Variants in RANBP3 observed in about 807,000 individuals in gnomAD.
The protein encoded by RANBP3 is RAN binding protein 3, also known as ran-binding protein 3.
A neutral mutation model predicts 77.3 loss-of-function variants in RANBP3; 14 were observed. That is an observed-to-expected ratio of 0.18 (90% confidence interval 0.12 to 0.28). The LOEUF is 0.28. RANBP3 is among the 10% of genes least tolerant of loss of function. The probability of loss-of-function intolerance (pLI) is 1.00; values close to 1 mark genes in which losing one functional copy is unlikely to be tolerated. For synonymous variants in RANBP3, 315 were observed against 312.4 expected (o/e 1.01, Z -0.09); for missense variants, 586 against 752.3 (o/e 0.78, Z 2.59).
At chr19:5,944,539 G>T (rs1224878190) in intron 3 of RANBP3, among the ~76,000 whole-genome samples, 2 of 152,236 alleles carry the variant, frequency 1.3e-5, no homozygotes, top group Non-Finnish European at 2.9e-5. Flanking sequence ...TACTGCCCTC[G>T]ACGGGCCCTT....
In RANBP3 at chr19:5,958,060, T is replaced by C. The variant is rs1568473886; in HGVS notation, c.23-87A>G. 2.5e-6 allele frequency: 3 copies of C among 1,202,708 alleles called. No homozygotes were observed. The highest frequency in any genetic ancestry group is 2.5e-5 in the South Asian group (2 of 78,634). 74.5% of individuals were successfully genotyped at this position (1,202,708 alleles called of 1,614,324 possible). On this transcript the variant is annotated intron_variant, in intron 1 of 16. Coordinates refer to ENST00000340578, the MANE Select transcript of RANBP3 (RefSeq NM_007322.3). The surrounding 1 kb of genome is among the most constrained non-coding windows in gnomAD (Gnocchi z 4.4). ...ACACTTGTTTGTAATATGTTAAACA[T>C]ATATATAAATGAAACTAGTAACTCC...
intron 10 of RANBP3, chr19:5,925,204 A>T: frequency 2.0e-6 from 1 of 498,608 alleles, no homozygotes; most frequent in Non-Finnish European, 3.7e-6. Context: ...CTGGAGGGGC[A>T]GCTGGTCCGT....
At chr19:5,932,703 C>T (rs1199044119) in intron 6 of RANBP3, 159 bp from the exon 7 acceptor site, 2 of 596,992 alleles carry the variant, frequency 3.4e-6, no homozygotes, top group African/African-American at 1.9e-5. Flanking sequence ...TAACAGCTGG[C>T]CAGGAGATCT....
intron 7 of RANBP3, 65 bp downstream of exon 7, chr19:5,932,387 G>T: frequency 7.7e-7 from 1 of 1,303,782 alleles, no homozygotes; most frequent in Non-Finnish European, 1.1e-6. Context: ...TGCTGTCCCG[G>T]GTGCGACTTC....
chr19:5,917,107 G>T lies in RANBP3; in HGVS notation c.*503C>A. ...TAACAGCACGTCCAATGGGCCCAGT[G>T]TCTACACTCGTACGAGCAGCCCCCC... is the stretch of plus-strand genomic sequence containing the variant. On this transcript the variant is annotated 3_prime_UTR_variant, in exon 17 of 17. Transcript: ENST00000340578. 5.5e-6 allele frequency: 1 copy of T among 181,666 alleles called. No individual in the cohort carries two copies. 11.3% of individuals were successfully genotyped at this position (181,666 alleles called of 1,614,324 possible).
intron 8 of RANBP3, 27 bp from the exon 9 acceptor site, chr19:5,928,114 T>C (rs1435171783): frequency 6.2e-7 from 1 of 1,601,590 alleles, no homozygotes; most frequent in Admixed American, 1.7e-5. Context: ...CAAAACAGAG[T>C]AATCAAAACC....
intron 7 of RANBP3, 37 bp downstream of exon 7, chr19:5,932,415 C>A: frequency 6.3e-7 from 1 of 1,576,560 alleles, no homozygotes; most frequent in Non-Finnish European, 8.7e-7. Context: ...CTCTACCCTG[C>A]CGTCTGGGCC....
At chr19:5,934,789 T>C (rs2058041562) in intron 5 of RANBP3, among the ~76,000 whole-genome samples, 1 of 152,200 alleles carries the variant, frequency 6.6e-6, no homozygotes, top group African/African-American at 2.4e-5. Context: ...GAGTTACGAC[T>C]GTACCACTGC....
rs371552829 is a variant in RANBP3, at chr19:5,917,825, A to G, written c.1629T>C (p.Asp543=). 2.2e-5 allele frequency: 35 copies of G among 1,612,022 alleles called. No individual in the cohort carries two copies. The African/African-American group carries it at 4.3e-4, about 20-fold the overall frequency. ...CGGTGGCCCCTGAAGGAGCCAGGAC[A>G]TCGTCATCGTCGCTGTCGTCCTCCT... ...SNEEDDSDDD[D]VLAPSGATAA... Residue 543 remains aspartate (D), a synonymous_variant, in exon 16 of 17, where the codon GAT becomes GAC. Coordinates refer to ENST00000340578, the MANE Select transcript of RANBP3 (RefSeq NM_007322.3).
chr19:5,917,849 C>T lies in RANBP3; in HGVS notation c.1605G>A (p.Glu535=), dbSNP rs966475474. The T allele has an allele frequency of 4.3e-6, 7 of 1,612,758 alleles. No individual in the cohort carries two copies. The highest frequency in any genetic ancestry group is 5.9e-6 in the Non-Finnish European group (7 of 1,179,904). The change falls in exon 16 of 17, where the codon GAG becomes GAA. Residue 535 remains glutamate, a synonymous_variant. Transcript: ENST00000340578. ...APEPGAAPSN[E]EDDSDDDDVL... is the part of the protein sequence containing the mutation. ...CATCGTCATCGTCGCTGTCGTCCTCCTCGTTGGATGGGGCTGCCCCAGGCT... is the reference window on the plus strand; with the variant it reads ...CATCGTCATCGTCGCTGTCGTCCTCTTCGTTGGATGGGGCTGCCCCAGGCT...
At chr19:5,937,056 C>CAAAAAAAAAAAAGAAAAAA (rs2058074441) in intron 5 of RANBP3, among the ~76,000 whole-genome samples, 1 of 37,160 alleles carries the variant, frequency 2.7e-5, no homozygotes, top group Non-Finnish European at 4.9e-5. Context: ...ACTCTGTCTC[C>CAAAAAAAAAAAAGAAAAAA]AAAAAAAAAA....
rs561770703 is a variant in RANBP3, at chr19:5,944,718, G to A, written c.283-2883C>T. Among the ~76,000 whole-genome samples, 9 of 152,270 alleles carry A rather than the reference G, an allele frequency of 5.9e-5. No individual in the cohort carries two copies. The East Asian group carries it at 9.7e-4, about 16-fold the overall frequency. On this transcript the variant is annotated intron_variant, in intron 3 of 16. Transcript: ENST00000340578. ...AGCCTCTGCACAGCCCGATCTCCTC[G>A]GACACCGCACTGCTCGCCTCACCTC...
intron 1 of RANBP3, among the ~76,000 whole-genome samples, chr19:5,971,511 A>C (rs1349658664): frequency 6.6e-6 from 1 of 152,216 alleles, no homozygotes; most frequent in Non-Finnish European, 1.5e-5. Context: ...CATATCACAC[A>C]TCCAATAACC....
At chr19:5,933,643 G>A in intron 5 of RANBP3, 164 bp from the exon 6 acceptor site, 2 of 555,400 alleles carry the variant, frequency 3.6e-6, no homozygotes, top group South Asian at 2.3e-5. Context: ...CCGATCAGCA[G>A]GCCTGGAAGG....
chr19:5,923,300 G>C lies in RANBP3; in HGVS notation c.1103C>G (p.Ser368Cys). 1 of 1,614,078 alleles carries C rather than the reference G, an allele frequency of 6.2e-7. No individual in the cohort carries two copies. The highest frequency in any genetic ancestry group is 8.5e-7 in the Non-Finnish European group (1 of 1,179,958). Residue 368 changes from serine to cysteine, a missense_variant, in exon 13 of 17, where the codon TCC becomes TGC. Physicochemically the swap from Ser to Cys is moderately radical, Grantham distance 112. This residue lies in a region of RANBP3 where 51 missense variants were observed against 123.2 expected (regional missense o/e 0.41). Coordinates refer to ENST00000340578, the MANE Select transcript of RANBP3 (RefSeq NM_007322.3). ...GTAGGCGGCTGCCGACTCAGCCAGG[G>C]ACTCTGAAAAGTTATTGGCCAAAAA... ...SSQEATPEKE[S>C]LAESAAAYTK... is the part of the protein sequence containing the mutation.
At chr19:5,931,591 C>A in intron 7 of RANBP3, 60 bp from the exon 8 acceptor site, 1 of 1,553,134 alleles carries the variant, frequency 6.4e-7, no homozygotes. Context: ...CACCCCCACT[C>A]ACATAGCTGA....
At chr19:5,918,395 C>CCCCCT (rs1599713116) in intron 15 of RANBP3, 101 bp downstream of exon 15, 1 of 248,496 alleles carries the variant, frequency 4.0e-6, no homozygotes, top group Non-Finnish European at 7.9e-6. Flanking sequence ...GAAGCCCCTC[C>CCCCCT]CCCCTCCCCT....
intron 8 of RANBP3, among the ~76,000 whole-genome samples, chr19:5,929,307 T>G (rs1052347552): frequency 1.3e-5 from 2 of 152,248 alleles, no homozygotes; most frequent in Non-Finnish European, 2.9e-5. Flanking sequence ...CCTCAGAGGA[T>G]GGGCTAATCC....
intron 1 of RANBP3, among the ~76,000 whole-genome samples, chr19:5,960,268 T>G (rs2058383655): frequency 6.6e-6 from 1 of 152,202 alleles, no homozygotes; most frequent in South Asian, 2.1e-4. Context: ...TAAGCCAGTT[T>G]GAGCTCGATT....
Sources: allele counts gnomAD v4.1 joint callset (sites outside exome capture counted in the v4.1 genomes callset), GRCh38; gene constraint gnomAD v4.1.1; regional missense constraint gnomAD v4.1.1; non-coding constraint Gnocchi (gnomAD v3.1); transcripts MANE v1.5; gene names NCBI Gene and HGNC (gene_info 2026-07-23, HGNC 2026-07-21).